The following PPP1R12A variants were observed in gnomAD, a reference collection of about 807,000 sequenced individuals.
PPP1R12A encodes the protein myosin binding subunit.
PPP1R12A carries 19 observed loss-of-function variants against 139.6 expected under a neutral mutation model. That is an observed-to-expected ratio of 0.14 (90% CI 0.09 to 0.20). The LOEUF is 0.20. PPP1R12A is among the 10% of genes least tolerant of loss of function. The probability of loss-of-function intolerance (pLI) is 1.00; values close to 1 mark genes in which losing one functional copy is unlikely to be tolerated. For missense variants in PPP1R12A, 925 were observed against 1,211.5 expected, an observed-to-expected ratio of 0.76 and a Z score of 3.51; for synonymous variants, 427 against 420.6, an observed-to-expected ratio of 1.02 and a Z score of -0.19.
intron 2 of PPP1R12A, among the ~76,000 whole-genome samples, chr12:79,870,432 G>A (rs1882451883): frequency 1.3e-5 from 2 of 152,142 alleles, no homozygotes; most frequent in Non-Finnish European, 1.5e-5. Context: ...TGATAAAAAT[G>A]AGCATTCGGA....
At chr12:79,814,335 G>C (rs1318735001) in intron 9 of PPP1R12A, among the ~76,000 whole-genome samples, 1 of 151,656 alleles carries the variant, frequency 6.6e-6, no homozygotes, top group Admixed American at 6.6e-5. Context: ...AAATTAGCCA[G>C]GTGTGGTGGT....
At chr12:79,801,649 T>C (rs1873196177) in intron 14 of PPP1R12A, among the ~76,000 whole-genome samples, 1 of 152,038 alleles carries the variant, frequency 6.6e-6, no homozygotes, top group African/African-American at 2.4e-5. Context: ...TCTACAACCC[T>C]GAAATTTTTG....
At chr12:79,790,113 T>G (rs976561929) in intron 20 of PPP1R12A, among the ~76,000 whole-genome samples, 6 of 152,116 alleles carry the variant, frequency 3.9e-5, no homozygotes, top group Non-Finnish European at 5.9e-5. Context: ...GGTTCTCTTT[T>G]GTCTAAAGCA....
At chr12:79,906,625 T>TATG (rs1565809857) in intron 1 of PPP1R12A, among the ~76,000 whole-genome samples, 68 of 143,512 alleles carry the variant, frequency 4.7e-4, no homozygotes, top group African/African-American at 1.7e-3. Context: ...ATGTATGTAT[T>TATG]TATTTATTTA....
At chr12:79,856,721 T>C (rs891714720) in intron 2 of PPP1R12A, among the ~76,000 whole-genome samples, 11 of 152,246 alleles carry the variant, frequency 7.2e-5, no homozygotes, top group Non-Finnish European at 2.9e-5. Flanking sequence ...GGCACTGCCA[T>C]TGAGTCTTTC....
At chr12:79,874,274 CAAA>C (rs764069282) in intron 1 of PPP1R12A, among the ~76,000 whole-genome samples, 3 of 85,350 alleles carry the variant, frequency 3.5e-5, no homozygotes, top group Non-Finnish European at 2.5e-5. Context: ...ACTCCGTCTC[CAAA>C]AAAAAAAAAA....
intron 18 of PPP1R12A, among the ~76,000 whole-genome samples, chr12:79,795,001 G>A (rs1159920396): frequency 6.6e-6 from 1 of 152,036 alleles, no homozygotes; most frequent in African/African-American, 2.4e-5. Flanking sequence ...AATCTACACT[G>A]CTGTTTTTAT....
intron 5 of PPP1R12A, among the ~76,000 whole-genome samples, chr12:79,826,385 C>T (rs1326945264): frequency 1.4e-5 from 2 of 139,620 alleles, no homozygotes; most frequent in African/African-American, 5.4e-5. Flanking sequence ...CTGTTGCCCA[C>T]TGCTGTGCAG....
chr12:79,848,584 C>T (rs919710659), intron 2 of PPP1R12A, among the ~76,000 whole-genome samples: 5 of 152,094 alleles, frequency 3.3e-5, no homozygotes, highest in African/African-American at 7.2e-5. Flanking sequence ...AGTACCAAAA[C>T]TGCTGGCAGG....
intron 18 of PPP1R12A, among the ~76,000 whole-genome samples, chr12:79,794,571 GTTGT>G (rs1172876407): frequency 2.6e-5 from 4 of 151,690 alleles, no homozygotes; most frequent in Admixed American, 6.6e-5. Flanking sequence ...ACCTAAATAT[GTTGT>G]TTATTAAAAA....
At chr12:79,871,790 A>G (rs1882600391) in intron 2 of PPP1R12A, among the ~76,000 whole-genome samples, 1 of 152,214 alleles carries the variant, frequency 6.6e-6, no homozygotes, top group Admixed American at 6.5e-5. Context: ...AAAAGTACAA[A>G]AAGGAAGTAA....
intron 10 of PPP1R12A, 120 bp downstream of exon 10, chr12:79,809,675 A>T: frequency 1.4e-6 from 1 of 698,490 alleles, no homozygotes; most frequent in Non-Finnish European, 2.4e-6. Flanking sequence ...GTAATTCATT[A>T]AGGTTAATTA....
chr12:79,917,483 C>CAAAAAA (rs59586178), intron 1 of PPP1R12A, among the ~76,000 whole-genome samples: 1 of 78,912 alleles, frequency 1.3e-5, no homozygotes, highest in Non-Finnish European at 2.6e-5. Context: ...GACTCTGTCT[C>CAAAAAA]AAAAAAAAAA....
rs1873950984 is a variant in PPP1R12A at position 79,807,262 on chromosome 12, T to C, written c.1619A>G (p.Asn540Ser). ...CGTTGATCCTTCATTAACTGAGCTA[T>C]TTTTTTTAAGATCATCTTCCCATTT... Reference protein sequence around the residue: ...RRKWEDDLKKNSSVNEGSTYH... With the variant: ...RRKWEDDLKKSSSVNEGSTYH... Residue 540 changes from asparagine to serine, a missense_variant, in exon 12 of 25, where the codon AAT becomes AGT. Physicochemically the swap from Asn to Ser is conservative, Grantham distance 46. Transcript: ENST00000450142. The C allele has an allele frequency of 2.6e-6, 4 of 1,533,260 alleles. No homozygotes were observed. The African/African-American group carries it at 4.1e-5, about 16-fold the overall frequency. The allele number at this position is 1,533,260 out of a possible 1,614,324, so 95.0% of individuals were successfully genotyped here.
chr12:79,825,129 GA>G (rs1876611660), intron 5 of PPP1R12A: 1 of 152,056 alleles, frequency 6.6e-6, no homozygotes. Context: ...GAGAAAGTGG[GA>G]ATACAATCTA....
At chr12:79,788,085 C>T (rs906011383) in intron 21 of PPP1R12A, 1 of 152,312 alleles carries the variant, frequency 6.6e-6, no homozygotes, top group Non-Finnish European at 1.5e-5. Context: ...TCACCCGTTC[C>T]CCTAACTTGG....
chr12:79,795,651 A>C lies in PPP1R12A; in HGVS notation c.2570T>G (p.Phe857Cys). ...REKRRSTGVS[F>C]WTQDSDENEQ... ...ATAGGTTCTCACATCTTGTGTCCAA[A>C]ATGAAACTCCTGTAGATCTTCTTTT... Residue 857 changes from phenylalanine to cysteine, a missense_variant, in exon 18 of 25, where the codon TTT (phenylalanine) becomes TGT (cysteine). Phe to Cys is a radical substitution (Grantham distance 205). Around this residue, in one of 4 missense-constraint regions of PPP1R12A, gnomAD observed 315 missense variants for 363.4 expected, o/e 0.87. Coordinates refer to ENST00000450142, the MANE Select transcript of PPP1R12A (RefSeq NM_002480.3). 1 of 1,611,138 alleles carries C rather than the reference A, an allele frequency of 6.2e-7. No homozygotes were observed.
chr12:79,775,901 A>G lies in PPP1R12A; in HGVS notation c.*28T>C, dbSNP rs1387775879. 6.7e-7 allele frequency: 1 copy of G among 1,489,734 alleles called. No homozygotes were observed. Among genetic ancestry groups the G allele is most frequent in the Non-Finnish European group, 9.1e-7 (1 of 1,099,400 alleles). 92.3% of individuals were successfully genotyped at this position (1,489,734 alleles called of 1,614,324 possible). ...GTCCACTGGGTTACTAATATGTGCA[A>G]TTCCATTACTTGCTGCTTTTTTTTT... is the stretch of plus-strand genomic sequence containing the variant. On this transcript the variant is annotated 3_prime_UTR_variant, in exon 25 of 25. Coordinates refer to ENST00000450142, the MANE Select transcript of PPP1R12A (RefSeq NM_002480.3).
chr12:79,829,105 T>C (rs939259517), intron 4 of PPP1R12A, among the ~76,000 whole-genome samples: 3 of 152,186 alleles, frequency 2.0e-5, no homozygotes, highest in African/African-American at 7.2e-5. Context: ...AAACACATTT[T>C]AATACAATGC....
Sources: allele counts gnomAD v4.1 joint callset (sites outside exome capture counted in the v4.1 genomes callset), GRCh38; gene constraint gnomAD v4.1.1; regional missense constraint gnomAD v4.1.1; transcripts MANE v1.5; gene names NCBI Gene and HGNC (gene_info 2026-07-23, HGNC 2026-07-21).